The following RSU1 variants were observed in gnomAD, a reference collection of about 807,000 sequenced individuals.
RSU1 encodes the protein Ras suppressor protein 1.
RSU1 carries 26 observed loss-of-function variants against 31.1 expected under a neutral mutation model. The observed-to-expected ratio is 0.84, with a 90% CI of 0.61 to 1.16. The LOEUF (loss-of-function observed/expected upper bound fraction) is 1.16. RSU1 is among the 50% of genes most tolerant of loss of function. The pLI, the probability that RSU1 is intolerant of heterozygous loss-of-function variation, is 0.00. For synonymous variants in RSU1, 164 were observed against 136.3 expected, an observed-to-expected ratio of 1.20 and a Z score of -1.41; for missense variants, 320 against 339.1, an observed-to-expected ratio of 0.94 and a Z score of 0.44.
At chr10:16,593,589 A>T in intron 8 of RSU1, 93 bp from the exon 9 acceptor site, 2 of 977,054 alleles carry the variant, frequency 2.0e-6, no homozygotes, top group South Asian at 2.7e-5. Flanking sequence ...AGAATCTCCA[A>T]AAATATTCAG....
chr10:16,630,540 C>G (rs2099130464), intron 8 of RSU1, among the ~76,000 whole-genome samples: 1 of 152,162 alleles, frequency 6.6e-6, no homozygotes, highest in Non-Finnish European at 1.5e-5. Flanking sequence ...CTCTGTATCT[C>G]ATTAATGGAA....
chr10:16,731,257 G>A (rs201814653), intron 7 of RSU1, among the ~76,000 whole-genome samples: 6 of 151,768 alleles, frequency 4.0e-5, no homozygotes, highest in African/African-American at 9.7e-5. Context: ...ATGAAACCCC[G>A]TCTCTACTAA....
intron 8 of RSU1, among the ~76,000 whole-genome samples, chr10:16,660,365 T>C (rs1384534083): frequency 6.6e-6 from 1 of 152,180 alleles, no homozygotes; most frequent in Non-Finnish European, 1.5e-5. Context: ...TAAAGTCCTT[T>C]GTGTTTGACC....
At chr10:16,791,992 C>A (rs1001818309) in intron 2 of RSU1, among the ~76,000 whole-genome samples, 7 of 152,152 alleles carry the variant, frequency 4.6e-5, no homozygotes, top group African/African-American at 1.7e-4. Context: ...TACATCCAGA[C>A]AGATGAGGGC....
At chr10:16,701,706 G>A (rs1361780832) in intron 7 of RSU1, among the ~76,000 whole-genome samples, 1 of 152,160 alleles carries the variant, frequency 6.6e-6, no homozygotes, top group Non-Finnish European at 1.5e-5. Flanking sequence ...ATTTAAGTGT[G>A]TGCTGGTGTG....
intron 8 of RSU1, among the ~76,000 whole-genome samples, chr10:16,675,777 T>TCA (rs1174200616): frequency 6.6e-6 from 1 of 152,246 alleles, no homozygotes; most frequent in Non-Finnish European, 1.5e-5. Flanking sequence ...TTCTGCTTTG[T>TCA]CACTCAAATA....
intron 8 of RSU1, among the ~76,000 whole-genome samples, chr10:16,612,428 CAA>C (rs1317727207): frequency 6.6e-6 from 1 of 151,948 alleles, no homozygotes; most frequent in Non-Finnish European, 1.5e-5. Flanking sequence ...GAGGAAGGTG[CAA>C]ACTCTTTTTG....
intron 8 of RSU1, among the ~76,000 whole-genome samples, chr10:16,669,709 G>A (rs1372230233): frequency 1.3e-5 from 2 of 152,142 alleles, no homozygotes; most frequent in Non-Finnish European, 2.9e-5. Context: ...TTAGTTTGCT[G>A]AGGATAATGG....
intron 2 of RSU1, among the ~76,000 whole-genome samples, chr10:16,814,670 A>G (rs1303589634): frequency 1.3e-5 from 2 of 152,100 alleles, no homozygotes; most frequent in Non-Finnish European, 2.9e-5. Flanking sequence ...GCTCAATGCT[A>G]CAGAAGCCAG....
intron 8 of RSU1, among the ~76,000 whole-genome samples, chr10:16,656,332 C>A (rs557637273): frequency 6.6e-6 from 1 of 152,042 alleles, no homozygotes; most frequent in Admixed American, 6.6e-5. Flanking sequence ...TCTTATACAT[C>A]GCAACTTGAA....
At chr10:16,772,641 G>GAAAAAAAAAAAAAAAAAA (rs60460081) in intron 3 of RSU1, among the ~76,000 whole-genome samples, 11 of 64,746 alleles carry the variant, frequency 1.7e-4, no homozygotes, top group African/African-American at 4.4e-4. Flanking sequence ...AGTAGAATAT[G>GAAAAAAAAAAAAAAAAAA]AAAAAAAAAA....
chr10:16,614,742 T>C (rs753819464), intron 8 of RSU1, among the ~76,000 whole-genome samples: 12 of 151,850 alleles, frequency 7.9e-5, no homozygotes, highest in Non-Finnish European at 1.5e-4. Flanking sequence ...AGACAATAAA[T>C]AGACTTACCC....
At chr10:16,722,979 T>A (rs190119286) in intron 7 of RSU1, 1 of 150,046 alleles carries the variant, frequency 6.7e-6, no homozygotes, top group Non-Finnish European at 1.5e-5. Context: ...TATGTATATA[T>A]ACACACATAT....
At chr10:16,647,293 T>C (rs957893409) in intron 8 of RSU1, among the ~76,000 whole-genome samples, 2 of 152,110 alleles carry the variant, frequency 1.3e-5, no homozygotes, top group Admixed American at 6.6e-5. Flanking sequence ...TTTCACACAT[T>C]GTGGATAGGT....
At chr10:16,788,260 T>C (rs952029694) in intron 2 of RSU1, among the ~76,000 whole-genome samples, 7 of 152,212 alleles carry the variant, frequency 4.6e-5, no homozygotes, top group African/African-American at 1.7e-4. Flanking sequence ...TGGTTTCCCG[T>C]TACCAAGCCA....
At chr10:16,800,258 G>A (rs113031785) in intron 2 of RSU1, among the ~76,000 whole-genome samples, 15 of 152,224 alleles carry the variant, frequency 9.9e-5, no homozygotes, top group African/African-American at 3.4e-4. Context: ...AAGCACACTC[G>A]GATATGGCAG....
chr10:16,647,382 G>C (rs1834592004), intron 8 of RSU1, among the ~76,000 whole-genome samples: 1 of 152,152 alleles, frequency 6.6e-6, no homozygotes, highest in Admixed American at 6.5e-5. Flanking sequence ...ATTTGACCCG[G>C]CAATTCCACT....
intron 2 of RSU1, among the ~76,000 whole-genome samples, chr10:16,797,910 G>T (rs1157132307): frequency 1.5e-5 from 2 of 134,424 alleles, no homozygotes; most frequent in Non-Finnish European, 3.1e-5. Context: ...TGCCCAGACT[G>T]GAGTGGAGCG....
intron 2 of RSU1, among the ~76,000 whole-genome samples, chr10:16,805,615 G>A (rs1838250507): frequency 1.4e-5 from 2 of 146,458 alleles, no homozygotes; most frequent in Non-Finnish European, 3.0e-5. Context: ...GGCGGAGCTT[G>A]CAGTGAGCGG....
Sources: gnomAD v4.1 joint callset for allele counts (sites outside exome capture counted in the v4.1 genomes callset) on GRCh38, gnomAD v4.1.1 for gene constraint, MANE v1.5 for transcripts, NCBI Gene and HGNC (gene_info 2026-07-23, HGNC 2026-07-21) for gene names.